Variants in MAGI2 observed in about 807,000 individuals in gnomAD.
The protein encoded by MAGI2 is membrane associated guanylate kinase, WW and PDZ domain containing 2, also known as membrane-associated guanylate kinase, WW and PDZ domain-containing protein 2.
MAGI2 carries 35 observed loss-of-function variants against 133.3 expected under a neutral mutation model. That is an observed-to-expected ratio of 0.26 (90% CI 0.20 to 0.35). MAGI2 has a LOEUF of 0.35. Ranked by LOEUF, MAGI2 falls within the 10% of genes least tolerant of loss-of-function variation. MAGI2 has a pLI of 1.00. For missense variants in MAGI2, 1,636 were observed against 1,863.4 expected (o/e 0.88, Z 2.25); for synonymous variants, 729 against 710.6 (o/e 1.03, Z -0.41).
chr7:78,705,347 C>T (rs1373660784), intron 2 of MAGI2, among the ~76,000 whole-genome samples: 2 of 152,064 alleles, frequency 1.3e-5, no homozygotes, highest in Non-Finnish European at 2.9e-5. Flanking sequence ...TGCCTTGTGC[C>T]ATGGTTGTAA....
intron 10 of MAGI2, among the ~76,000 whole-genome samples, chr7:78,215,818 A>C (rs372156083): frequency 2.6e-5 from 4 of 152,342 alleles, no homozygotes; most frequent in Admixed American, 6.5e-5. Flanking sequence ...ATGAAATAAA[A>C]TCTTCCACAG....
chr7:79,280,441 A>G (rs1406335844), intron 1 of MAGI2, among the ~76,000 whole-genome samples: 5 of 152,178 alleles, frequency 3.3e-5, no homozygotes, highest in Non-Finnish European at 7.3e-5. Flanking sequence ...AGGTATCAAA[A>G]AGTCCTTGTA....
intron 2 of MAGI2, among the ~76,000 whole-genome samples, chr7:78,732,884 C>T (rs537155869): frequency 1.3e-5 from 2 of 152,052 alleles, no homozygotes; most frequent in African/African-American, 4.8e-5. Flanking sequence ...CCACCATAAA[C>T]TGGACTGCTG....
At chr7:79,271,409 C>T (rs1237612229) in intron 1 of MAGI2, among the ~76,000 whole-genome samples, 2 of 152,016 alleles carry the variant, frequency 1.3e-5, no homozygotes, top group Non-Finnish European at 2.9e-5. Context: ...GGACTTAAGC[C>T]TCTGAGGCTG....
At chr7:78,552,843 C>T (rs377669417) in intron 3 of MAGI2, among the ~76,000 whole-genome samples, 8 of 152,006 alleles carry the variant, frequency 5.3e-5, no homozygotes, top group African/African-American at 1.9e-4. Context: ...AACAACAAAT[C>T]CAAAGGGCTA....
intron 2 of MAGI2, among the ~76,000 whole-genome samples, chr7:78,893,783 G>A (rs531090499): frequency 5.7e-4 from 86 of 152,162 alleles, no homozygotes; most frequent in African/African-American, 2.0e-3. Flanking sequence ...GTTAAATGAC[G>A]AGTTAATGGG....
intron 1 of MAGI2, among the ~76,000 whole-genome samples, chr7:79,376,641 G>T (rs553283357): frequency 6.6e-6 from 1 of 151,892 alleles, no homozygotes; most frequent in Non-Finnish European, 1.5e-5. Flanking sequence ...CACAACCTAG[G>T]TGGAACAGAG....
At chr7:78,311,928 G>A (rs987867270) in intron 9 of MAGI2, among the ~76,000 whole-genome samples, 6 of 152,012 alleles carry the variant, frequency 3.9e-5, no homozygotes, top group East Asian at 3.9e-4. Context: ...GCGCCACCAC[G>A]CCTGGCTAAT....
chr7:78,909,963 G>A (rs919152075), intron 2 of MAGI2, among the ~76,000 whole-genome samples: 5 of 152,144 alleles, frequency 3.3e-5, no homozygotes, highest in Non-Finnish European at 1.5e-5. Context: ...CCATGAAAAG[G>A]AATGAGATCA....
intron 2 of MAGI2, among the ~76,000 whole-genome samples, chr7:78,803,491 T>A (rs37878): frequency 0.81 from 122,645 of 152,006 alleles, 50,811 homozygotes; most frequent in East Asian, 0.96. Flanking sequence ...TTATTTATTT[T>A]TTTTTTTTGC....
In MAGI2 at chr7:79,398,342, T is replaced by C. The variant is rs182298907; in HGVS notation, c.301+54678A>G. The stretch of plus-strand genomic sequence containing the variant: ...TCTCATTTCCCTTGTTTTGTTCCTT[T>C]AGTCTTTGTCTTAAGGCCCAGATTT... On this transcript the variant is annotated intron_variant, in intron 1 of 21. Coordinates refer to ENST00000354212, the MANE Select transcript of MAGI2 (RefSeq NM_012301.4). Among the ~76,000 whole-genome samples, 815 of 152,334 alleles carry C rather than the reference T, an allele frequency of 5.4e-3. 6 individuals are homozygous for C. Among genetic ancestry groups the C allele is most frequent in the Non-Finnish European group, 9.8e-3 (668 of 68,022 alleles).
intron 2 of MAGI2, among the ~76,000 whole-genome samples, chr7:78,803,994 T>C (rs1034571185): frequency 1.3e-5 from 2 of 152,250 alleles, no homozygotes; most frequent in Non-Finnish European, 2.9e-5. Flanking sequence ...ACTGAAATTG[T>C]ATAAATTATG....
intron 1 of MAGI2, among the ~76,000 whole-genome samples, chr7:79,214,044 T>C (rs1047329683): frequency 6.6e-6 from 1 of 151,846 alleles, no homozygotes; most frequent in Non-Finnish European, 1.5e-5. Context: ...GATTTTCGCA[T>C]GCAAAACAGT....
At chr7:78,233,214 TAAAAC>T (rs1331817114) in intron 10 of MAGI2, among the ~76,000 whole-genome samples, 2 of 152,144 alleles carry the variant, frequency 1.3e-5, no homozygotes, top group East Asian at 1.9e-4. Context: ...TACAGAGTGA[TAAAAC>T]AAAAAGGTTA....
chr7:78,872,753 G>C (rs1177821025), intron 2 of MAGI2, among the ~76,000 whole-genome samples: 2 of 151,702 alleles, frequency 1.3e-5, no homozygotes, highest in African/African-American at 4.8e-5. Context: ...CTGGCCCGTG[G>C]GTGAAATGGT....
rs541515003 is a variant in MAGI2 at position 79,355,616 on chromosome 7, G to A, written c.301+97404C>T. Among the ~76,000 whole-genome samples the A allele has an allele frequency of 1.1e-3, 167 of 152,288 alleles. 1 individual carries two copies. Among genetic ancestry groups the A allele is most frequent in the African/African-American group, 3.8e-3 (160 of 41,582 alleles). ...TTGAAAGGCAACCCAGATAGTTGCA[G>A]GGCCTTTCACACAATGTGTTTGTCA... On this transcript the variant is annotated intron_variant, in intron 1 of 21. Transcript: ENST00000354212.
intron 1 of MAGI2, among the ~76,000 whole-genome samples, chr7:79,017,568 C>T (rs1808864315): frequency 6.6e-6 from 1 of 152,196 alleles, no homozygotes. Context: ...TCCCCAGCAA[C>T]AGTTCCTAAC....
At chr7:78,779,178 T>C (rs1194245247) in intron 2 of MAGI2, among the ~76,000 whole-genome samples, 3 of 152,124 alleles carry the variant, frequency 2.0e-5, no homozygotes, top group African/African-American at 7.2e-5. Flanking sequence ...AGTGCTGGGA[T>C]TACAGGCGTA....
intron 2 of MAGI2, among the ~76,000 whole-genome samples, chr7:78,955,723 C>CTT (rs1554310267): frequency 1.9e-4 from 16 of 83,492 alleles, no homozygotes; most frequent in Admixed American, 6.4e-4. Flanking sequence ...TTCTTTCTTT[C>CTT]TCTTTCTTTC....
Sources: gnomAD v4.1 joint callset for allele counts (sites outside exome capture counted in the v4.1 genomes callset) on GRCh38, gnomAD v4.1.1 for gene constraint, MANE v1.5 for transcripts, NCBI Gene and HGNC (gene_info 2026-07-23, HGNC 2026-07-21) for gene names.